CILP2: variants seen among roughly 807,000 people sequenced by gnomAD.
CILP2 encodes cartilage intermediate layer protein 2.
A neutral mutation model predicts 45.6 loss-of-function variants in CILP2; 38 were observed. That is an observed-to-expected ratio of 0.83 (90% confidence interval 0.64 to 1.09). The LOEUF is 1.09. CILP2 is among the 50% of genes least tolerant of loss of function. The probability of loss-of-function intolerance (pLI) is 0.00; values close to 1 mark genes in which losing one functional copy is unlikely to be tolerated. For synonymous variants in CILP2, 780 were observed against 723.5 expected, an observed-to-expected ratio of 1.08 and a Z score of -1.25; for missense variants, 1,735 against 1,662.2, an observed-to-expected ratio of 1.04 and a Z score of -0.76.
chr19:19,545,895 G>A lies in CILP2; in HGVS notation c.3350G>A (p.Arg1117Lys). The A allele has an allele frequency of 7.6e-6, 12 of 1,584,588 alleles. No homozygotes were observed. The highest frequency in any genetic ancestry group is 1.0e-5 in the Non-Finnish European group (12 of 1,159,956). Residue 1117 changes from arginine (R) to lysine (K), a missense_variant, in exon 8 of 8, where the codon AGG becomes AAG. Transcript: ENST00000291495. ...PPAGRPSLFQ[R>K]LLESPATALG... ...GCCGGACGACCCAGCCTCTTCCAGA[G>A]GCTGCTGGAGTCCCCGGCGACAGCA...
rs1308968577 is a variant in CILP2 at position 19,544,957 on chromosome 19, C to G, written c.2412C>G (p.Ala804=). Residue 804 remains alanine (A), a synonymous_variant, in exon 8 of 8, where the codon GCC becomes GCG. Transcript: ENST00000291495. The part of the protein sequence containing the change: ...PAFCDADRPD[A]YTALVTATLG... ...TCTGCGACGCCGACAGGCCAGACGC[C>G]TACACCGCCCTGGTCACCGCCACCC... 3 of 1,596,666 alleles carry G rather than the reference C, an allele frequency of 1.9e-6. No homozygotes were observed. In the African/African-American group the frequency reaches 4.0e-5, roughly 21 times the overall value.
chr19:19,544,699 C>G lies in CILP2; in HGVS notation c.2154C>G (p.Asn718Lys), dbSNP rs753791134. ...RREERVFLVG[N>K]VEIRERRLFN... ...AGGAGCGCGTCTTCCTGGTGGGCAA[C>G]GTGGAGATCCGGGAGCGGCGCCTGT... Residue 718 changes from asparagine (N) to lysine (K), a missense_variant, in exon 8 of 8, where the codon AAC becomes AAG. Transcript: ENST00000291495. 2 of 1,586,188 alleles carry G rather than the reference C, an allele frequency of 1.3e-6. No individual in the cohort carries two copies. The highest frequency in any genetic ancestry group is 4.5e-5 in the East Asian group (2 of 44,616).
In CILP2 at chr19:19,538,402, CG is replaced by C; in HGVS notation, c.58del (p.Ala20ProfsTer96). The C allele has an allele frequency of 1.9e-6, 3 of 1,557,832 alleles. No homozygotes were observed. Among genetic ancestry groups the C allele is most frequent in the Admixed American group, 1.8e-5 (1 of 55,856 alleles). On this transcript the variant is annotated frameshift_variant, in exon 1 of 8. Coordinates refer to ENST00000291495, the MANE Select transcript of CILP2 (RefSeq NM_153221.2). LOFTEE classifies it high-confidence loss of function. ...CTCTGTGTCGTCGCTGCGCACCTGG[CG>C]GGGGCCCGAGGTGAGGCGCCTCCAG... ...LCLCVVAAHL[A>X]GARDATPTEE...
In CILP2 at chr19:19,543,817, A is replaced by G. The variant is rs901781963; in HGVS notation, c.1272A>G (p.Ala424=). Residue 424 remains alanine (A), a synonymous_variant, in exon 8 of 8, where the codon GCA becomes GCG. Transcript: ENST00000291495. Reference sequence around the variant, plus strand: ...CCGACACCCGCTGCCCCAGCCTGGCAGGCTCCAGCCCCCGCTGCGGGGACG... The same window carrying G: ...CCGACACCCGCTGCCCCAGCCTGGCGGGCTCCAGCCCCCGCTGCGGGGACG... ...LCPDTRCPSL[A]GSSPRCGDAS... 1.2e-6 allele frequency: 2 copies of G among 1,613,732 alleles called. No homozygotes were observed. The highest frequency in any genetic ancestry group is 1.7e-6 in the Non-Finnish European group (2 of 1,179,866).
Position 19,542,545 on chromosome 19 carries a change from A to C in CILP2, c.763A>C (p.Ser255Arg), listed in dbSNP as rs760038395. The change falls in exon 5 of 8, where the codon AGC (serine) becomes CGC (arginine). Residue 255 changes from serine (S) to arginine (R), a missense_variant. Transcript: ENST00000291495. ...CCGGGTGCCTGGTGTCTGTGCTGAC[A>C]GCCGCGCCAACATCAGGGCCCAGAT... ...TFRVPGVCAD[S>R]RANIRAQMDG... The C allele has an allele frequency of 6.2e-7, 1 of 1,613,994 alleles. No individual in the cohort carries two copies. The highest frequency in any genetic ancestry group is 2.2e-5 in the East Asian group (1 of 44,844).
Position 19,538,397 on chromosome 19 carries a change from C to G in CILP2, c.48C>G (p.His16Gln). 1.9e-6 allele frequency: 3 copies of G among 1,562,286 alleles called. No individual in the cohort carries two copies. The highest frequency in any genetic ancestry group is 2.6e-6 in the Non-Finnish European group (3 of 1,162,490). The change falls in exon 1 of 8, where the codon CAC becomes CAG. Residue 16 changes from histidine (H) to glutamine (Q), a missense_variant. Physicochemically the swap from His to Gln is conservative, Grantham distance 24. Transcript: ENST00000291495. ...PLLCLCVVAA[H>Q]LAGARDATPT... ...TCTGTCTCTGTGTCGTCGCTGCGCACCTGGCGGGGGCCCGAGGTGAGGCGC... is the reference window on the plus strand; with the variant it reads ...TCTGTCTCTGTGTCGTCGCTGCGCAGCTGGCGGGGGCCCGAGGTGAGGCGC...
Position 19,538,365 on chromosome 19 carries a change from C to T in CILP2, c.16C>T (p.Pro6Ser). The T allele has an allele frequency of 6.3e-7, 1 of 1,582,456 alleles. No individual in the cohort carries two copies. The highest frequency in any genetic ancestry group is 8.5e-7 in the Non-Finnish European group (1 of 1,172,390). ...TGCCCCGGCCATGGCGTCGCTGCTG[C>T]CACTGCTCTGTCTCTGTGTCGTCGC... MASLL[P>S]LLCLCVVAAH... Residue 6 changes from proline (P) to serine (S), a missense_variant, in exon 1 of 8, where the codon CCA becomes TCA. Transcript: ENST00000291495.
rs1321619291 is a variant in CILP2, at chr19:19,538,296, G to C, written c.-54G>C. On this transcript the variant is annotated 5_prime_UTR_variant, in exon 1 of 8. Coordinates refer to ENST00000291495, the MANE Select transcript of CILP2 (RefSeq NM_153221.2). Reference sequence around the variant, plus strand: ...AGCGGCCGCCAGACCCGCCGGAGTTGGACCCGAGCACGCCGCGGAGCCCGG... The same window carrying C: ...AGCGGCCGCCAGACCCGCCGGAGTTCGACCCGAGCACGCCGCGGAGCCCGG... 6.6e-7 allele frequency: 1 copy of C among 1,510,514 alleles called. No homozygotes were observed. Among genetic ancestry groups the C allele is most frequent in the African/African-American group, 1.4e-5 (1 of 70,282 alleles). The allele number at this position is 1,510,514 out of a possible 1,614,324, so 93.6% of individuals were successfully genotyped here. A position where few individuals can be genotyped will look rare whatever the true frequency, so the allele number is the denominator to read the frequency against.
At position 19,543,291 on chromosome 19, in the gene CILP2, G is replaced by A. The variant is rs781606092; in HGVS notation, c.1021G>A (p.Gly341Arg). 1.5e-5 allele frequency: 24 copies of A among 1,613,746 alleles called. 1 individual carries two copies. Among genetic ancestry groups the A allele is most frequent in the South Asian group, 8.8e-5 (8 of 91,082 alleles). Residue 341 changes from glycine to arginine, a missense_variant, in exon 7 of 8, where the codon GGG becomes AGG. By Grantham distance (125) the Gly-to-Arg change is moderately radical. Transcript: ENST00000291495. ...TLLDRRAHGY[G>R]AHLELRGLRP... ...GCTGGACAGGCGAGCTCATGGGTAC[G>A]GGGCCCACCTGGAGCTGCGGGGACT...
At chr19:19,541,333 T>C (rs1333437789) in intron 4 of CILP2, 87 bp downstream of exon 4, 3 of 1,144,012 alleles carry the variant, frequency 2.6e-6, no homozygotes, top group Non-Finnish European at 2.2e-6. Context: ...GAGGGTGGAG[T>C]TAGAGGCGGT....
chr19:19,539,164 G>T (rs986119003), intron 1 of CILP2, among the ~76,000 whole-genome samples: 1 of 152,154 alleles, frequency 6.6e-6, no homozygotes, highest in Non-Finnish European at 1.5e-5. Context: ...GGCTTTGGGG[G>T]CCTGGTGGTG....
chr19:19,544,873 T>A lies in CILP2; in HGVS notation c.2328T>A (p.Arg776=). Residue 776 remains arginine, a synonymous_variant, in exon 8 of 8, where the codon CGT becomes CGA. Coordinates refer to ENST00000291495, the MANE Select transcript of CILP2 (RefSeq NM_153221.2). The stretch of plus-strand genomic sequence containing the variant: ...CCCCCGGCTTCTCCGCCAACCCCCG[T>A]GCCTGGGGCCGCTTTGACAGCGCGG... The part of the protein sequence containing the change: ...EPAPGFSANP[R]AWGRFDSAVT... The A allele has an allele frequency of 6.3e-7, 1 of 1,591,322 alleles. No homozygotes were observed. The highest frequency in any genetic ancestry group is 8.5e-7 in the Non-Finnish European group (1 of 1,176,540).
chr19:19,543,086 G>T lies in CILP2; in HGVS notation c.977+114G>T, dbSNP rs751913381. On this transcript the variant is annotated intron_variant, in intron 6 of 7. Coordinates refer to ENST00000291495, the MANE Select transcript of CILP2 (RefSeq NM_153221.2). Reference sequence around the variant, plus strand: ...AGTGGGGAAAGCGTTAACGGGGAATGAATTGGGTGGGAGAGGGACTACCAA... The same window carrying T: ...AGTGGGGAAAGCGTTAACGGGGAATTAATTGGGTGGGAGAGGGACTACCAA... 6 of 984,994 alleles carry T rather than the reference G, an allele frequency of 6.1e-6. No homozygotes were observed. The South Asian group carries it at 8.9e-5, about 15-fold the overall frequency. The allele number at this position is 984,994 out of a possible 1,614,324, so 61.0% of individuals were successfully genotyped here. A position where few individuals can be genotyped will look rare whatever the true frequency, so the allele number is the denominator to read the frequency against.
At chr19:19,542,774 G>T in intron 5 of CILP2, 90 bp from the exon 6 acceptor site, 3 of 1,564,712 alleles carry the variant, frequency 1.9e-6, no homozygotes, top group Non-Finnish European at 2.6e-6. Flanking sequence ...AGAGTGAGTC[G>T]GCATTTCTGG....
chr19:19,540,307 G>A lies in CILP2; in HGVS notation c.267G>A (p.Val89=). 6.3e-7 allele frequency: 1 copy of A among 1,587,114 alleles called. No homozygotes were observed. The highest frequency in any genetic ancestry group is 8.5e-7 in the Non-Finnish European group (1 of 1,171,092). Residue 89 remains valine, a synonymous_variant, in exon 3 of 8, where the codon GTG becomes GTA. Coordinates refer to ENST00000291495, the MANE Select transcript of CILP2 (RefSeq NM_153221.2). ...GCTTCTACTACGGGCCAGCGCGCGT[G>A]TGCCCGCGACCGCTGGCGCTGGAAG... The part of the protein sequence containing the change: ...AIRFYYGPAR[V]CPRPLALEAR...
chr19:19,539,717 G>A lies in CILP2; in HGVS notation c.103G>A (p.Gly35Ser), dbSNP rs142743091. Residue 35 changes from glycine (G) to serine (S), a missense_variant, in exon 2 of 8, where the codon GGC becomes AGC. Physicochemically the swap from Gly to Ser is moderately conservative, Grantham distance 56. Transcript: ENST00000291495. ...CGAGGAGCCAATGGCGACTGCACTG[G>A]GCCTGGAAAGACGGTCCGTGTACAC... ...PTEEPMATAL[G>S]LERRSVYTGQ... The A allele has an allele frequency of 2.1e-5, 33 of 1,606,118 alleles. No homozygotes were observed. Among genetic ancestry groups the A allele is most frequent in the Non-Finnish European group, 2.4e-5 (28 of 1,175,782 alleles).
intron 2 of CILP2, 28 bp downstream of exon 2, chr19:19,539,805 C>T (rs774984500): frequency 3.9e-6 from 6 of 1,535,950 alleles, no homozygotes. Flanking sequence ...GGAGTCCCGT[C>T]TCTGCTGCGG....
intron 2 of CILP2, 166 bp from the exon 3 acceptor site, chr19:19,540,038 C>T: frequency 2.0e-6 from 2 of 976,022 alleles, no homozygotes; most frequent in South Asian, 1.9e-5. Flanking sequence ...CGCGGGGAAC[C>T]CAGTCTGCCC....
chr19:19,539,412 A>G (rs1437994615), intron 1 of CILP2, among the ~76,000 whole-genome samples: 1 of 151,974 alleles, frequency 6.6e-6, no homozygotes, highest in Non-Finnish European at 1.5e-5. Flanking sequence ...AAAAATATAA[A>G]AATTAGCTAG....
Sources: allele counts gnomAD v4.1 joint callset (sites outside exome capture counted in the v4.1 genomes callset), GRCh38; gene constraint gnomAD v4.1.1; transcripts MANE v1.5; gene names NCBI Gene and HGNC (gene_info 2026-07-23, HGNC 2026-07-21).